The following DLC1 variants were observed in gnomAD, a reference collection of about 807,000 sequenced individuals.
The protein encoded by DLC1 is DLC1 Rho GTPase activating protein, also known as rho GTPase-activating protein 7.
A neutral mutation model predicts 140.3 loss-of-function variants in DLC1; 54 were observed. That is an observed-to-expected ratio of 0.38 (90% CI 0.31 to 0.48). DLC1 has a LOEUF of 0.48. Among genes scored for constraint, DLC1 ranks in the 20% least tolerant of loss-of-function variants. DLC1 has a pLI of 0.96. For synonymous variants in DLC1, 986 were observed against 728.1 expected, an observed-to-expected ratio of 1.35 and a Z score of -5.70; for missense variants, 2,536 against 1,907.0, an observed-to-expected ratio of 1.33 and a Z score of -6.14.
chr8:13,411,694 A>T (rs1373172629), intron 2 of DLC1, among the ~76,000 whole-genome samples: 1 of 152,198 alleles, frequency 6.6e-6, no homozygotes, highest in African/African-American at 2.4e-5. Context: ...ACTGCTTTTT[A>T]AAAAGTCCAT....
intron 2 of DLC1, among the ~76,000 whole-genome samples, chr8:13,480,047 A>G (rs1800650380): frequency 6.6e-6 from 1 of 152,106 alleles, no homozygotes; most frequent in South Asian, 2.1e-4. Context: ...GACCTGAGTG[A>G]CAGAACAAAA....
intron 1 of DLC1, among the ~76,000 whole-genome samples, chr8:13,508,226 C>A (rs545685389): frequency 7.1e-4 from 108 of 152,174 alleles, no homozygotes; most frequent in Non-Finnish European, 1.4e-3. Flanking sequence ...CACTTTATGG[C>A]TCAAGCCAGC....
chr8:13,304,793 C>G (rs1030502417), intron 5 of DLC1: 1 of 960,460 alleles, frequency 1.0e-6, no homozygotes. Context: ...GCACAGAACA[C>G]AGAAAAATAC....
At chr8:13,488,988 C>A (rs1801106667) in intron 2 of DLC1, among the ~76,000 whole-genome samples, 1 of 151,908 alleles carries the variant, frequency 6.6e-6, no homozygotes, top group Non-Finnish European at 1.5e-5. Context: ...GCTCTTGTTG[C>A]CCAGGCTGGA....
At chr8:13,144,656 T>C (rs1823284828) in intron 5 of DLC1, among the ~76,000 whole-genome samples, 1 of 152,092 alleles carries the variant, frequency 6.6e-6, no homozygotes, top group African/African-American at 2.4e-5. Context: ...TCCCAGCTAC[T>C]CGGGAGGCTG....
At chr8:13,138,619 T>G (rs536068002) in intron 5 of DLC1, among the ~76,000 whole-genome samples, 1 of 152,378 alleles carries the variant, frequency 6.6e-6, no homozygotes, top group East Asian at 1.9e-4. Context: ...CGACAAAGAA[T>G]AGAATGTTTT....
chr8:13,319,913 C>A (rs936004883), intron 4 of DLC1, among the ~76,000 whole-genome samples: 4 of 148,522 alleles, frequency 2.7e-5, no homozygotes, highest in African/African-American at 4.9e-5. Flanking sequence ...CCCTCCACCT[C>A]CCAGATTCAA....
At chr8:13,344,299 G>C (rs1834212325) in intron 4 of DLC1, among the ~76,000 whole-genome samples, 1 of 152,134 alleles carries the variant, frequency 6.6e-6, no homozygotes, top group South Asian at 2.1e-4. Context: ...TTTGAGACCA[G>C]CCTGACCAAC....
intron 4 of DLC1, among the ~76,000 whole-genome samples, chr8:13,393,002 C>T (rs1266208895): frequency 6.6e-6 from 1 of 152,134 alleles, no homozygotes; most frequent in Non-Finnish European, 1.5e-5. Flanking sequence ...TATATCTCTG[C>T]ATATAAACCT....
chr8:13,459,659 C>G (rs1441937036), intron 2 of DLC1, among the ~76,000 whole-genome samples: 1 of 152,184 alleles, frequency 6.6e-6, no homozygotes, highest in Non-Finnish European at 1.5e-5. Flanking sequence ...TGCTAATTCT[C>G]TGGCCAACTT....
intron 2 of DLC1, among the ~76,000 whole-genome samples, chr8:13,444,387 A>G (rs1008647471): frequency 7.0e-4 from 107 of 152,248 alleles, no homozygotes; most frequent in African/African-American, 2.5e-3. Context: ...AACATGACAC[A>G]TGTATACCTA....
chr8:13,343,489 T>C (rs573282256), intron 4 of DLC1, among the ~76,000 whole-genome samples: 2 of 152,242 alleles, frequency 1.3e-5, no homozygotes, highest in South Asian at 2.1e-4. Context: ...GGGGAAGAAA[T>C]GTATTGATTG....
intron 4 of DLC1, among the ~76,000 whole-genome samples, chr8:13,372,500 G>T (rs1327008719): frequency 6.6e-6 from 1 of 152,204 alleles, no homozygotes; most frequent in Admixed American, 6.5e-5. Flanking sequence ...CAGTTCTTCA[G>T]AGACGCCAAC....
intron 1 of DLC1, among the ~76,000 whole-genome samples, chr8:13,506,503 C>T (rs940928655): frequency 6.7e-6 from 1 of 149,068 alleles, no homozygotes; most frequent in Admixed American, 6.9e-5. Context: ...ATTTCTAGGT[C>T]GTGTTCTCCA....
chr8:13,278,745 T>C (rs1478932005), intron 5 of DLC1, among the ~76,000 whole-genome samples: 1 of 152,182 alleles, frequency 6.6e-6, no homozygotes, highest in Non-Finnish European at 1.5e-5. Flanking sequence ...TAGGAAGCTT[T>C]TCTACACCTA....
intron 2 of DLC1, among the ~76,000 whole-genome samples, chr8:13,471,775 C>A (rs1363409064): frequency 2.0e-5 from 3 of 152,276 alleles, no homozygotes; most frequent in East Asian, 1.9e-4. Flanking sequence ...AGAAAAGCAG[C>A]CTTTCAGCAA....
At chr8:13,334,364 C>G (rs1283606557) in intron 4 of DLC1, among the ~76,000 whole-genome samples, 1 of 152,154 alleles carries the variant, frequency 6.6e-6, no homozygotes. Context: ...CAGGGACAGG[C>G]CAGATCTGTG....
intron 1 of DLC1, chr8:13,566,899 A>T (rs1056322344): frequency 2.1e-6 from 3 of 1,420,676 alleles, no homozygotes. Flanking sequence ...GATGGCATTG[A>T]GATCCATTCC....
intron 5 of DLC1, among the ~76,000 whole-genome samples, chr8:13,237,876 C>G (rs983127844): frequency 6.7e-6 from 1 of 149,484 alleles, no homozygotes; most frequent in Non-Finnish European, 1.5e-5. Flanking sequence ...ATAGTACTTA[C>G]CTAATACATA....
Sources: allele counts gnomAD v4.1 joint callset (sites outside exome capture counted in the v4.1 genomes callset), GRCh38; gene constraint gnomAD v4.1.1; transcripts MANE v1.5; gene names NCBI Gene and HGNC (gene_info 2026-07-23, HGNC 2026-07-21).